SLC4A4: variants seen among roughly 807,000 people sequenced by gnomAD.
SLC4A4 encodes the protein electrogenic sodium bicarbonate cotransporter 1.
A neutral mutation model predicts 111.5 loss-of-function variants in SLC4A4; 27 were observed. The ratio of observed to expected loss-of-function variants is 0.24; its 90% CI spans 0.18 to 0.33. The LOEUF (loss-of-function observed/expected upper bound fraction) is 0.33, where lower values mean the gene tolerates loss of function less well. SLC4A4 is among the 10% of genes least tolerant of loss of function. SLC4A4 has a pLI of 1.00. For synonymous variants in SLC4A4, 443 were observed against 463.4 expected (o/e 0.96, Z 0.57); for missense variants, 909 against 1,315.5 (o/e 0.69, Z 4.78).
intron 4 of SLC4A4, among the ~76,000 whole-genome samples, chr4:71,342,452 A>C (rs1439228035): frequency 1.3e-5 from 2 of 152,152 alleles, no homozygotes; most frequent in African/African-American, 4.8e-5. Flanking sequence ...ACTTTGAGCA[A>C]GTCATGTAGT....
Position 71,274,967 on chromosome 4 carries a change from G to A in SLC4A4, c.253+19568G>A, listed in dbSNP as rs186664464. Among the ~76,000 whole-genome samples, 194 of 151,140 alleles carry A rather than the reference G, an allele frequency of 1.3e-3. 2 individuals carry two copies. Among genetic ancestry groups the A allele is most frequent in the African/African-American group, 3.3e-3 (134 of 40,520 alleles). ...AACAAAAACTCAAAAGTAGTTTGCTGAAGATTCTGTTTTTTTTTCTAAAAT... is the reference window on the plus strand; with the variant it reads ...AACAAAAACTCAAAAGTAGTTTGCTAAAGATTCTGTTTTTTTTTCTAAAAT... On this transcript the variant is annotated intron_variant, in intron 3 of 25. Transcript: ENST00000264485.
chr4:71,500,730 G>C (rs72650383), intron 16 of SLC4A4, among the ~76,000 whole-genome samples: 2,627 of 152,266 alleles, frequency 0.017, 37 homozygotes, highest in Non-Finnish European at 0.028. Flanking sequence ...AGAGATTGCT[G>C]TTACCCCATT....
At chr4:71,519,342 G>A (rs1732713626) in intron 16 of SLC4A4, among the ~76,000 whole-genome samples, 1 of 152,124 alleles carries the variant, frequency 6.6e-6, no homozygotes, top group South Asian at 2.1e-4. Context: ...AGCCTAAGCA[G>A]GTAATTTCTC....
At chr4:71,376,192 C>CACACAT (rs544323906) in intron 6 of SLC4A4, among the ~76,000 whole-genome samples, 2 of 146,468 alleles carry the variant, frequency 1.4e-5, no homozygotes, top group East Asian at 2.0e-4. Flanking sequence ...CACACACACA[C>CACACAT]ATATATATGT....
At chr4:71,090,595 T>C (rs1263474971) in intron 1 of SLC4A4, among the ~76,000 whole-genome samples, 1 of 152,240 alleles carries the variant, frequency 6.6e-6, no homozygotes, top group African/African-American at 2.4e-5. Context: ...TGCAAGATTT[T>C]AGTGACTCCA....
chr4:71,107,053 C>T (rs1182495621), intron 2 of SLC4A4, among the ~76,000 whole-genome samples: 2 of 150,780 alleles, frequency 1.3e-5, no homozygotes, highest in East Asian at 3.9e-4. Context: ...TTGGTTATTG[C>T]TTGCATGGAA....
At chr4:71,355,820 T>C (rs1730234690) in intron 5 of SLC4A4, among the ~76,000 whole-genome samples, 1 of 152,254 alleles carries the variant, frequency 6.6e-6, no homozygotes, top group African/African-American at 2.4e-5. Context: ...GCTGTTATCC[T>C]ACCAGTACCC....
chr4:71,431,890 C>T lies in SLC4A4; in HGVS notation c.808-8726C>T, dbSNP rs970850166. Among the ~76,000 whole-genome samples, 22 of 151,598 alleles carry T rather than the reference C, an allele frequency of 1.5e-4. 1 individual carries two copies. Among genetic ancestry groups the T allele is most frequent in the Admixed American group, 1.4e-3 (21 of 15,202 alleles). On this transcript the variant is annotated intron_variant, in intron 7 of 25. Transcript: ENST00000264485. ...CCTTAAAATCCTCACTTCTTTTGGG[C>T]ATTTTATGGTCTTTTGGTCTGATTT...
At chr4:71,374,779 A>G (rs1165376053) in intron 6 of SLC4A4, among the ~76,000 whole-genome samples, 2 of 151,862 alleles carry the variant, frequency 1.3e-5, no homozygotes, top group African/African-American at 2.4e-5. Context: ...CTAAAATTGT[A>G]AAACAGTTTT....
rs1034056004 is a variant in SLC4A4, at chr4:71,571,230, A to C, written c.*3479A>C. 4.6e-5 allele frequency: 7 copies of C among 152,314 alleles called. No individual in the cohort carries two copies. The highest frequency in any genetic ancestry group is 1.7e-4 in the African/African-American group (7 of 41,418). The allele number at this position is 152,314 out of a possible 1,614,324, so 9.4% of individuals were successfully genotyped here. A position where few individuals can be genotyped will look rare whatever the true frequency, so the allele number is the denominator to read the frequency against. On this transcript the variant is annotated 3_prime_UTR_variant, in exon 26 of 26. Coordinates refer to ENST00000264485, the MANE Select transcript of SLC4A4 (RefSeq NM_001098484.3). Reference sequence around the variant, plus strand: ...AATTTGAGTTGTATTACAGAGGTTGACATTGTTCAGGGATGGGACAAAGCC... The same window carrying C: ...AATTTGAGTTGTATTACAGAGGTTGCCATTGTTCAGGGATGGGACAAAGCC...
chr4:71,553,227 C>G (rs1210463440), intron 20 of SLC4A4, among the ~76,000 whole-genome samples: 1 of 151,876 alleles, frequency 6.6e-6, no homozygotes, highest in Non-Finnish European at 1.5e-5. Flanking sequence ...ATCTTCATAT[C>G]TAAAGCTATT....
intron 8 of SLC4A4, among the ~76,000 whole-genome samples, chr4:71,446,707 G>A (rs1168015649): frequency 6.6e-6 from 1 of 152,170 alleles, no homozygotes. Context: ...AGCTGGGCAG[G>A]CATATGATGT....
chr4:71,499,653 TGTAA>T (rs1472263311), intron 16 of SLC4A4, among the ~76,000 whole-genome samples: 1 of 152,170 alleles, frequency 6.6e-6, no homozygotes, highest in Non-Finnish European at 1.5e-5. Context: ...AGGTTTCACG[TGTAA>T]GTGAGATCAT....
chr4:71,251,374 A>G (rs1451220616), intron 2 of SLC4A4, among the ~76,000 whole-genome samples: 1 of 152,250 alleles, frequency 6.6e-6, no homozygotes, highest in Non-Finnish European at 1.5e-5. Flanking sequence ...ACATCATAGT[A>G]CTTCCTACTT....
At chr4:71,464,573 C>G (rs1475459288) in intron 12 of SLC4A4, among the ~76,000 whole-genome samples, 2 of 152,124 alleles carry the variant, frequency 1.3e-5, no homozygotes, top group African/African-American at 4.8e-5. Flanking sequence ...GGCTTCAAAC[C>G]TAGATTTGTG....
At chr4:71,337,225 G>C (rs1284366782) in intron 3 of SLC4A4, among the ~76,000 whole-genome samples, 1 of 152,132 alleles carries the variant, frequency 6.6e-6, no homozygotes, top group East Asian at 1.9e-4. Flanking sequence ...TGTATTGTTA[G>C]GGACTATGTT....
intron 1 of SLC4A4, among the ~76,000 whole-genome samples, chr4:71,192,379 A>G (rs1745771639): frequency 6.6e-6 from 1 of 152,256 alleles, no homozygotes; most frequent in Non-Finnish European, 1.5e-5. Flanking sequence ...GACATCCCTC[A>G]GAGTCAGTTT....
chr4:71,567,028 A>G lies in SLC4A4; in HGVS notation c.3221A>G (p.Glu1074Gly), dbSNP rs759294648. 6.2e-7 allele frequency: 1 copy of G among 1,610,342 alleles called. No individual in the cohort carries two copies. Among genetic ancestry groups the G allele is most frequent in the Non-Finnish European group, 8.5e-7 (1 of 1,177,554 alleles). The change falls in exon 25 of 26, where the codon GAA (glutamate) becomes GGA (glycine). Residue 1074 changes from glutamate (E) to glycine (G), a missense_variant. Physicochemically the swap from Glu to Gly is moderately conservative, Grantham distance 98 (BLOSUM62 -2). Coordinates refer to ENST00000264485, the MANE Select transcript of SLC4A4 (RefSeq NM_001098484.3). ...SDRERSPTFLERHTSC is the reference protein window; with the variant it reads ...SDRERSPTFLGRHTSC ...GGAGAAAGATCACCAACATTCCTTG[A>G]ACGCCACACATCATGCTGATAAAAT...
intron 1 of SLC4A4, among the ~76,000 whole-genome samples, chr4:71,204,892 G>C (rs939148542): frequency 1.3e-5 from 2 of 152,180 alleles, no homozygotes; most frequent in African/African-American, 4.8e-5. Flanking sequence ...AAGACAATGA[G>C]AGAGGCTAAT....
Sources: allele counts gnomAD v4.1 joint callset (sites outside exome capture counted in the v4.1 genomes callset), GRCh38; gene constraint gnomAD v4.1.1; transcripts MANE v1.5; gene names NCBI Gene and HGNC (gene_info 2026-07-23, HGNC 2026-07-21).